The following SEMA3D variants were observed in gnomAD, a reference collection of about 807,000 sequenced individuals.
SEMA3D encodes the protein semaphorin 3D, also known as semaphorin-3D.
In SEMA3D, 84 loss-of-function variants were observed where a neutral mutation model predicts 100.1. The ratio of observed to expected loss-of-function variants is 0.84; its 90% CI spans 0.70 to 1.01. The LOEUF is 1.01. Among genes scored for constraint, SEMA3D ranks in the 50% least tolerant of loss-of-function variants. The probability of loss-of-function intolerance (pLI) is 0.00; values close to 1 mark genes in which losing one functional copy is unlikely to be tolerated. For missense variants in SEMA3D, 875 were observed against 934.1 expected (o/e 0.94, Z 0.82); for synonymous variants, 312 against 320.7 (o/e 0.97, Z 0.29).
intron 3 of SEMA3D, among the ~76,000 whole-genome samples, chr7:85,102,623 T>C (rs1041408512): frequency 2.0e-5 from 3 of 151,950 alleles, no homozygotes; most frequent in Admixed American, 6.6e-5. Context: ...GCAACAACTA[T>C]AGCTGAGTGT....
At chr7:85,121,518 A>G (rs537614297) in intron 3 of SEMA3D, among the ~76,000 whole-genome samples, 96 of 152,314 alleles carry the variant, frequency 6.3e-4, no homozygotes, top group Non-Finnish European at 1.2e-3. Context: ...ATCAAATTGA[A>G]TATTATAAAT....
chr7:85,036,753 A>C lies in SEMA3D; in HGVS notation c.1191+136T>G, dbSNP rs185989479. 4.5e-5 allele frequency: 29 copies of C among 644,606 alleles called. No homozygotes were observed. The African/African-American group carries it at 5.2e-4, about 11-fold the overall frequency. The allele number at this position is 644,606 out of a possible 1,614,324, so 39.9% of individuals were successfully genotyped here. On this transcript the variant is annotated intron_variant, in intron 12 of 18. Coordinates refer to ENST00000284136, the MANE Select transcript of SEMA3D (RefSeq NM_001384900.1). ...AATGTTAAATTTCAATGAAGGATGA[A>C]AATGCTAATACTTCACTGCAAATAA...
the SEMA3D span, among the ~76,000 whole-genome samples, chr7:85,241,031 A>G: frequency 6.6e-6 from 1 of 152,138 alleles, no homozygotes; most frequent in Non-Finnish European, 1.5e-5. Flanking sequence ...TTCTCAAAAG[A>G]AGATATACAA....
At chr7:85,235,624 T>C in the SEMA3D span, among the ~76,000 whole-genome samples, 1 of 152,190 alleles carries the variant, frequency 6.6e-6, no homozygotes, top group African/African-American at 2.4e-5. Flanking sequence ...GTAAAATGTA[T>C]AATATGGGTG....
At chr7:85,149,229 G>T (rs1340856873) in intron 2 of SEMA3D, among the ~76,000 whole-genome samples, 2 of 151,804 alleles carry the variant, frequency 1.3e-5, no homozygotes, top group Non-Finnish European at 2.9e-5. Context: ...TGGATCACCT[G>T]ATGTCAGGAG....
intron 6 of SEMA3D, among the ~76,000 whole-genome samples, chr7:85,071,025 C>G (rs764325850): frequency 6.6e-6 from 1 of 152,156 alleles, no homozygotes; most frequent in Admixed American, 6.5e-5. Context: ...GGTGATCTGC[C>G]CACCTCAGCC....
At chr7:85,216,136 G>A in the SEMA3D span, among the ~76,000 whole-genome samples, 1 of 152,060 alleles carries the variant, frequency 6.6e-6, no homozygotes, top group Non-Finnish European at 1.5e-5. Context: ...CACTGTGGAT[G>A]TAATTTTTCC....
chr7:85,187,109 C>T (rs1192534612), upstream of SEMA3D, among the ~76,000 whole-genome samples: 2 of 152,130 alleles, frequency 1.3e-5, no homozygotes. Flanking sequence ...CCGATCTCCT[C>T]CCCCAGCCCT....
chr7:85,055,181 G>T (rs900575697), intron 9 of SEMA3D, among the ~76,000 whole-genome samples: 2 of 152,048 alleles, frequency 1.3e-5, no homozygotes, highest in Non-Finnish European at 2.9e-5. Flanking sequence ...TGCATGTAAT[G>T]ATATATAATT....
At chr7:85,168,373 T>C (rs1030902951) in intron 1 of SEMA3D, among the ~76,000 whole-genome samples, 3 of 151,904 alleles carry the variant, frequency 2.0e-5, no homozygotes, top group African/African-American at 7.2e-5. Context: ...TTTTTAATTC[T>C]TATTTTAAAA....
the SEMA3D span, among the ~76,000 whole-genome samples, chr7:85,221,212 G>C: frequency 6.6e-5 from 10 of 151,998 alleles, no homozygotes; most frequent in Non-Finnish European, 1.5e-4. Flanking sequence ...ACAAGGGAGA[G>C]AGAATAAGGA....
chr7:85,011,304 C>G (rs1344810792), intron 17 of SEMA3D, among the ~76,000 whole-genome samples: 1 of 151,788 alleles, frequency 6.6e-6, no homozygotes, highest in Middle Eastern at 3.4e-3. Flanking sequence ...TTGGATTTGG[C>G]AAGGAGGAAA....
At chr7:85,212,666 CTTTG>C in the SEMA3D span, among the ~76,000 whole-genome samples, 2 of 151,794 alleles carry the variant, frequency 1.3e-5, no homozygotes, top group African/African-American at 4.8e-5. Context: ...ATAAATTAAG[CTTTG>C]TTTAATGATT....
chr7:85,147,264 G>A (rs561868067), intron 2 of SEMA3D, among the ~76,000 whole-genome samples: 4 of 151,682 alleles, frequency 2.6e-5, no homozygotes, highest in African/African-American at 9.7e-5. Context: ...CACCATGCCC[G>A]GCTAATTTTG....
At chr7:85,107,268 C>A (rs1355756492) in intron 3 of SEMA3D, among the ~76,000 whole-genome samples, 2 of 152,020 alleles carry the variant, frequency 1.3e-5, no homozygotes, top group African/African-American at 2.4e-5. Flanking sequence ...ATCTGTGAGA[C>A]TTTTCTCTAG....
Position 85,001,737 on chromosome 7 carries a change from G to T in SEMA3D, c.1909-1872C>A, listed in dbSNP as rs370083087. Among the ~76,000 whole-genome samples, 17 of 152,254 alleles carry T rather than the reference G, an allele frequency of 1.1e-4. No homozygotes were observed. The East Asian group carries it at 2.1e-3, about 19-fold the overall frequency. ...TGGGGGATTAAAAGCAAAGCTCTTT[G>T]AAGGTTAAAATGTGAAGTATTATTA... On this transcript the variant is annotated intron_variant, in intron 18 of 18. Coordinates refer to ENST00000284136, the MANE Select transcript of SEMA3D (RefSeq NM_001384900.1).
chr7:85,237,828 T>C, the SEMA3D span, among the ~76,000 whole-genome samples: 1 of 152,092 alleles, frequency 6.6e-6, no homozygotes, highest in East Asian at 1.9e-4. Flanking sequence ...GGATCTTATA[T>C]TTATTTTGTA....
At chr7:85,189,542 A>G (rs2116600998), upstream of SEMA3D, among the ~76,000 whole-genome samples, 1 of 152,308 alleles carries the variant, frequency 6.6e-6, no homozygotes, top group African/African-American at 2.4e-5. Context: ...TTTGTCTTCA[A>G]GGGTGACTAT....
intron 1 of SEMA3D, among the ~76,000 whole-genome samples, chr7:85,183,262 C>T (rs1001216062): frequency 3.9e-5 from 6 of 152,148 alleles, no homozygotes; most frequent in East Asian, 1.9e-4. Flanking sequence ...TATGATAACC[C>T]TTTTGATAGT....
Sources: gnomAD v4.1 joint callset for allele counts (sites outside exome capture counted in the v4.1 genomes callset) on GRCh38, gnomAD v4.1.1 for gene constraint, MANE v1.5 for transcripts, NCBI Gene and HGNC (gene_info 2026-07-23, HGNC 2026-07-21) for gene names.